DNAH2: variants seen among roughly 807,000 people sequenced by gnomAD.
The protein encoded by DNAH2 is dynein axonemal heavy chain 2.
Under a neutral mutation model 523.5 loss-of-function variants are expected in DNAH2, and 323 were observed. The ratio of observed to expected loss-of-function variants is 0.62; its 90% CI spans 0.56 to 0.68. The LOEUF (loss-of-function observed/expected upper bound fraction) is 0.68. DNAH2 is among the 30% of genes least tolerant of loss of function. The pLI is 0.00. For synonymous variants in DNAH2, 2,093 were observed against 2,177.4 expected (o/e 0.96, Z 1.08); for missense variants, 4,907 against 5,701.5 (o/e 0.86, Z 4.49).
chr17:7,780,258 T>C lies in DNAH2; in HGVS notation c.5824T>C (p.Phe1942Leu). ...DSTLIAEIILFGEGFGNCKIL... is the reference protein window; with the variant it reads ...DSTLIAEIILLGEGFGNCKIL... ...CACCCTCATTGCAGAAATCATTCTC[T>C]TTGGAGAGGGCTTTGGCAACTGCAA... is the stretch of plus-strand genomic sequence containing the variant. Residue 1942 changes from phenylalanine to leucine, a missense_variant, in exon 37 of 86, where the codon TTT becomes CTT. By Grantham distance (22) the Phe-to-Leu change is conservative. Around this residue, in one of 3 missense-constraint regions of DNAH2, gnomAD observed 2,806 missense variants for 3,190.8 expected, o/e 0.88. Coordinates refer to ENST00000572933, the MANE Select transcript of DNAH2 (RefSeq NM_020877.5). The surrounding 1 kb of genome is among the most constrained non-coding windows in gnomAD (Gnocchi z 4.4). 6.2e-7 allele frequency: 1 copy of C among 1,614,164 alleles called. No individual in the cohort carries two copies. The highest frequency in any genetic ancestry group is 8.5e-7 in the Non-Finnish European group (1 of 1,180,036).
At chr17:7,818,488 G>A in intron 69 of DNAH2, 28 bp downstream of exon 69, 2 of 1,612,532 alleles carry the variant, frequency 1.2e-6, no homozygotes, top group Non-Finnish European at 8.5e-7. Flanking sequence ...TCCAGACTGA[G>A]CTAGGGTGAA....
chr17:7,799,132 G>C lies in DNAH2; in HGVS notation c.8589G>C (p.Arg2863=). Residue 2863 remains arginine (R), a synonymous_variant, in exon 56 of 86, where the codon CGG becomes CGC. Transcript: ENST00000572933. ...AGTCGCATATCATAGACCAGGCCCG[G>C]GTGGAGCAGGTGCCTGAGTCATCGG... ...EIQSHIIDQA[R]VEQVPESSDS... 1 of 1,614,178 alleles carries C rather than the reference G, an allele frequency of 6.2e-7. No homozygotes were observed. The highest frequency in any genetic ancestry group is 8.5e-7 in the Non-Finnish European group (1 of 1,180,036).
rs569172351 is a variant in DNAH2 at position 7,740,071 on chromosome 17, G to GC, written c.1376+133_1376+134insC. The GC allele has an allele frequency of 8.8e-5, 61 of 694,380 alleles. 4 individuals carry two copies. The Admixed American group carries it at 9.5e-4, about 11-fold the overall frequency. 43.0% of individuals were successfully genotyped at this position (694,380 alleles called of 1,614,324 possible). A position where few individuals can be genotyped will look rare whatever the true frequency, so the allele number is the denominator to read the frequency against. Reference sequence around the variant, plus strand: ...TCGGGATCAGGGCGGTGGCCCGGGGGGGGGGACAGGAGAGAGTGCAGGGGA... The same window carrying GC: ...TCGGGATCAGGGCGGTGGCCCGGGGGCGGGGGACAGGAGAGAGTGCAGGGGA... On this transcript the variant is annotated intron_variant, in intron 9 of 85. Transcript: ENST00000572933.
At position 7,741,559 on chromosome 17, in the gene DNAH2, C is replaced by G. The variant is rs527739117; in HGVS notation, c.1689+567C>G. ...ATTTTTAGTAGAGATGGGGTTTCAC[C>G]GTGTTAGCCAGGATGGTCTGAGTCT... On this transcript the variant is annotated intron_variant, in intron 11 of 85. Transcript: ENST00000572933. 2.0e-5 allele frequency among the ~76,000 whole-genome samples: 3 copies of G among 151,986 alleles called. 1 individual carries two copies. The highest frequency in any genetic ancestry group is 4.8e-5 in the African/African-American group (2 of 41,424).
chr17:7,815,436 A>G (rs548582541), intron 63 of DNAH2, among the ~76,000 whole-genome samples: 17 of 152,350 alleles, frequency 1.1e-4, no homozygotes, highest in African/African-American at 3.8e-4. Context: ...CATGATGAAA[A>G]GGACGGTGAT....
chr17:7,824,075 T>A (rs758985556), intron 75 of DNAH2, 46 bp from the exon 76 acceptor site: 1 of 1,570,026 alleles, frequency 6.4e-7, no homozygotes, highest in Non-Finnish European at 8.6e-7. Context: ...TCTCCCACTT[T>A]GGTCATGTGG....
chr17:7,734,347 G>A (rs2075079506), intron 6 of DNAH2, 54 bp downstream of exon 6: 1 of 1,604,816 alleles, frequency 6.2e-7, no homozygotes, highest in South Asian at 1.1e-5. Flanking sequence ...AGAGGGAAAG[G>A]GGAGGCTCGG....
intron 46 of DNAH2, 130 bp from the exon 47 acceptor site, chr17:7,792,527 G>C (rs1305217118): frequency 2.1e-6 from 2 of 969,846 alleles, no homozygotes; most frequent in Non-Finnish European, 1.6e-6. Context: ...TCTGAGGGGA[G>C]CACATGATCC....
chr17:7,732,628 C>CACA (rs1234545947), intron 4 of DNAH2, among the ~76,000 whole-genome samples: 1 of 151,978 alleles, frequency 6.6e-6, no homozygotes, highest in Admixed American at 6.6e-5. Context: ...AAGCCATAAG[C>CACA]AAAATTGAAG....
intron 63 of DNAH2, among the ~76,000 whole-genome samples, chr17:7,814,872 A>AG (rs1300958630): frequency 1.3e-5 from 2 of 152,262 alleles, no homozygotes; most frequent in Non-Finnish European, 2.9e-5. Flanking sequence ...CAAACAAAGT[A>AG]GTTTGCCTCA....
In DNAH2 at chr17:7,807,204, A is replaced by G; in HGVS notation, c.9497A>G (p.Asp3166Gly). The G allele has an allele frequency of 6.2e-7, 1 of 1,612,950 alleles. No homozygotes were observed. The highest frequency in any genetic ancestry group is 8.5e-7 in the Non-Finnish European group (1 of 1,180,034). Residue 3166 changes from aspartate (D) to glycine (G), a missense_variant, in exon 62 of 86, where the codon GAT (aspartate) becomes GGT (glycine). By Grantham distance (94) the Asp-to-Gly change is moderately conservative (BLOSUM62 -1). Around this residue, in one of 3 missense-constraint regions of DNAH2, gnomAD observed 1,851 missense variants for 2,139.4 expected, o/e 0.87. Transcript: ENST00000572933. The surrounding 1 kb of genome is among the most constrained non-coding windows in gnomAD (Gnocchi z 5.6). ...LINFDKDNISDKVLKKIGAYC... is the reference protein window; with the variant it reads ...LINFDKDNISGKVLKKIGAYC... The stretch of plus-strand genomic sequence containing the variant: ...AACTTTGATAAAGACAATATCTCAG[A>G]TAAGGTTCTGAAGAAGATTGGGGCC...
At chr17:7,766,927 G>C (rs1249530183) in intron 22 of DNAH2, among the ~76,000 whole-genome samples, 1 of 152,026 alleles carries the variant, frequency 6.6e-6, no homozygotes, top group African/African-American at 2.4e-5. Context: ...TAGGATTACA[G>C]GTGTGAGCCA....
intron 13 of DNAH2, among the ~76,000 whole-genome samples, chr17:7,758,262 G>C (rs2075899767): frequency 6.6e-6 from 1 of 152,094 alleles, no homozygotes; most frequent in Non-Finnish European, 1.5e-5. Flanking sequence ...GCATTAAGTT[G>C]GTGCAAAGTG....
rs2076950358 is a variant in DNAH2 at position 7,793,285 on chromosome 17, G to A, written c.7569+80G>A. On this transcript the variant is annotated intron_variant, in intron 48 of 85. Transcript: ENST00000572933. ...AGTCCCCACTCCACTGGGGCCCCAGGCTATGGTCCTGTCATCTTGGATTCC... is the reference window on the plus strand; with the variant it reads ...AGTCCCCACTCCACTGGGGCCCCAGACTATGGTCCTGTCATCTTGGATTCC... 17 of 1,434,402 alleles carry A rather than the reference G, an allele frequency of 1.2e-5. No individual in the cohort carries two copies. In the South Asian group the frequency reaches 2.1e-4, roughly 18 times the overall value. 88.9% of individuals were successfully genotyped at this position (1,434,402 alleles called of 1,614,324 possible).
chr17:7,833,032 A>G (rs776512287), intron 84 of DNAH2, 39 bp from the exon 85 acceptor site: 20 of 1,613,074 alleles, frequency 1.2e-5, no homozygotes, highest in Middle Eastern at 3.3e-4. Context: ...TGGCAATTGA[A>G]GTCTAGCTTC....
At chr17:7,817,905 C>T in intron 67 of DNAH2, 41 bp from the exon 68 acceptor site, 1 of 1,614,030 alleles carries the variant, frequency 6.2e-7, no homozygotes. Flanking sequence ...GAGGCCCCAC[C>T]TCTCCCGTAG....
intron 5 of DNAH2, among the ~76,000 whole-genome samples, chr17:7,733,780 A>G (rs1414672587): frequency 6.6e-6 from 1 of 152,072 alleles, no homozygotes; most frequent in Non-Finnish European, 1.5e-5. Context: ...CCCTGCCAAG[A>G]TCCGCTTTCT....
At position 7,787,864 on chromosome 17, in the gene DNAH2, C is replaced by T. The variant is rs1377422950; in HGVS notation, c.6608C>T (p.Ser2203Phe). 6 of 1,613,014 alleles carry T rather than the reference C, an allele frequency of 3.7e-6. No individual in the cohort carries two copies. The highest frequency in any genetic ancestry group is 4.2e-6 in the Non-Finnish European group (5 of 1,179,500). ...GERIAMPEQV[S>F]LLFEVEDLAM... Reference sequence around the variant, plus strand: ...CTGACAAACGTATATCCTTAGGTGTCTCTCCTGTTTGAAGTGGAGGACCTG... The same window carrying T: ...CTGACAAACGTATATCCTTAGGTGTTTCTCCTGTTTGAAGTGGAGGACCTG... The change falls in exon 43 of 86, where the codon TCT becomes TTT. Residue 2203 changes from serine (S) to phenylalanine (F), a missense_variant. By Grantham distance (155) the Ser-to-Phe change is radical. Transcript: ENST00000572933.
chr17:7,768,287 C>T lies in DNAH2; in HGVS notation c.3941+20C>T, dbSNP rs746481617. On this transcript the variant is annotated intron_variant, in intron 24 of 85. Coordinates refer to ENST00000572933, the MANE Select transcript of DNAH2 (RefSeq NM_020877.5). ...AGAGAGGTGAGGCTTCTCCTCTGCT[C>T]CGGGGTGTCCACTCTGCCCCGCTGG... 6.2e-7 allele frequency: 1 copy of T among 1,613,484 alleles called. No individual in the cohort carries two copies. The highest frequency in any genetic ancestry group is 1.3e-5 in the African/African-American group (1 of 75,046).
Sources: allele counts gnomAD v4.1 joint callset (sites outside exome capture counted in the v4.1 genomes callset), GRCh38; gene constraint gnomAD v4.1.1; regional missense constraint gnomAD v4.1.1; non-coding constraint Gnocchi (gnomAD v3.1); transcripts MANE v1.5; gene names NCBI Gene and HGNC (gene_info 2026-07-23, HGNC 2026-07-21).